DNAH7: variants seen among roughly 807,000 people sequenced by gnomAD.
DNAH7 encodes the protein axonemal beta dynein heavy chain 7.
A neutral mutation model predicts 444.6 loss-of-function variants in DNAH7; 397 were observed. The ratio of observed to expected loss-of-function variants is 0.89; its 90% CI spans 0.82 to 0.97. The LOEUF is 0.97. Among genes scored for constraint, DNAH7 ranks in the 50% least tolerant of loss-of-function variants. The probability of loss-of-function intolerance (pLI) is 0.00; values close to 1 mark genes in which losing one functional copy is unlikely to be tolerated. For synonymous variants in DNAH7, 1,636 were observed against 1,624.4 expected (o/e 1.01, Z -0.17); for missense variants, 4,902 against 4,800.8 (o/e 1.02, Z -0.62).
chr2:195,771,629 TGG>T, intron 61 of DNAH7, 29 bp downstream of exon 61: 1 of 1,486,452 alleles, frequency 6.7e-7, no homozygotes. Flanking sequence ...TATAATTTAA[TGG>T]GGGTTTTTTT....
intron 21 of DNAH7, among the ~76,000 whole-genome samples, chr2:195,932,604 A>G (rs2125398118): frequency 6.6e-6 from 1 of 152,146 alleles, no homozygotes; most frequent in African/African-American, 2.4e-5. Flanking sequence ...TCAATACCTA[A>G]TTTATTGAGA....
At chr2:195,888,731 T>C in intron 32 of DNAH7, 68 bp downstream of exon 32, 2 of 1,478,166 alleles carry the variant, frequency 1.4e-6, no homozygotes, top group Non-Finnish European at 1.8e-6. Context: ...AAGTCAAAGG[T>C]ACTAAGCAAA....
chr2:195,859,069 G>T (rs1699879255), intron 42 of DNAH7, among the ~76,000 whole-genome samples: 3 of 152,128 alleles, frequency 2.0e-5, no homozygotes, highest in Admixed American at 1.3e-4. Context: ...AAATTCAAAA[G>T]AATAAATACA....
At chr2:195,799,233 CA>C in intron 55 of DNAH7, 62 bp downstream of exon 55, 1 of 1,323,778 alleles carries the variant, frequency 7.6e-7, no homozygotes, top group African/African-American at 1.5e-5. Context: ...CTTAAAATTT[CA>C]ATTATAAGCA....
At chr2:195,947,824 G>A (rs1689924546) in intron 19 of DNAH7, among the ~76,000 whole-genome samples, 1 of 152,074 alleles carries the variant, frequency 6.6e-6, no homozygotes, top group Non-Finnish European at 1.5e-5. Context: ...TGGGATTGCT[G>A]GGTCAAATGG....
chr2:195,857,583 C>T lies in DNAH7; in HGVS notation c.8208G>A (p.Trp2736Ter). ...TGSGKKIEDF[W>*]GPAKRLLGDM... ...CACCAAGAAGTCTCTTAGCTGGGCC[C>T]CAGAAATCCTCAATTTTTTTCCCTG... Residue 2736 changes from tryptophan (W) to a stop codon, truncating the protein, a stop_gained, in exon 44 of 65, where the codon TGG becomes TGA. Transcript: ENST00000312428. LOFTEE classifies it high-confidence loss of function. 1 of 1,613,920 alleles carries T rather than the reference C, an allele frequency of 6.2e-7. No individual in the cohort carries two copies. The highest frequency in any genetic ancestry group is 8.5e-7 in the Non-Finnish European group (1 of 1,179,920).
chr2:195,890,606 C>A (rs1410029544), intron 31 of DNAH7, among the ~76,000 whole-genome samples: 1 of 152,054 alleles, frequency 6.6e-6, no homozygotes, highest in African/African-American at 2.4e-5. Flanking sequence ...CAAGATAGGA[C>A]CTAAGAAGCC....
intron 48 of DNAH7, among the ~76,000 whole-genome samples, chr2:195,827,142 T>C (rs2124927432): frequency 6.6e-6 from 1 of 152,336 alleles, no homozygotes; most frequent in South Asian, 2.1e-4. Flanking sequence ...GGGGTGCTGA[T>C]ACTAAAGAGA....
At chr2:196,009,705 T>G (rs954924685) in intron 10 of DNAH7, among the ~76,000 whole-genome samples, 5 of 152,048 alleles carry the variant, frequency 3.3e-5, no homozygotes, top group African/African-American at 1.2e-4. Flanking sequence ...CAAAGGAAAC[T>G]AGACAAAGTA....
intron 59 of DNAH7, 37 bp downstream of exon 59, chr2:195,777,763 T>C: frequency 1.5e-5 from 23 of 1,564,232 alleles, no homozygotes; most frequent in Non-Finnish European, 2.0e-5. Flanking sequence ...TAATTTCATG[T>C]CTTACTGCTT....
At chr2:195,779,679 G>A (rs1695280668) in intron 58 of DNAH7, among the ~76,000 whole-genome samples, 1 of 151,934 alleles carries the variant, frequency 6.6e-6, no homozygotes, top group Non-Finnish European at 1.5e-5. Context: ...TGTGATAAGG[G>A]CTCACTGTCT....
intron 5 of DNAH7, among the ~76,000 whole-genome samples, chr2:196,037,041 G>C (rs577228525): frequency 6.6e-6 from 1 of 152,118 alleles, no homozygotes; most frequent in South Asian, 2.1e-4. Context: ...GGGACCTAAG[G>C]ACTAGCCTAC....
At chr2:195,973,890 C>T (rs1469847271) in intron 15 of DNAH7, among the ~76,000 whole-genome samples, 1 of 152,010 alleles carries the variant, frequency 6.6e-6, no homozygotes, top group East Asian at 1.9e-4. Context: ...GAGTTCAAAA[C>T]ATGGTGAAAC....
intron 38 of DNAH7, 145 bp from the exon 39 acceptor site, chr2:195,873,839 C>T (rs1700865304): frequency 7.7e-6 from 4 of 516,196 alleles, no homozygotes; most frequent in Non-Finnish European, 1.2e-5. Context: ...TTGGATAACC[C>T]TGACATCAAA....
At chr2:196,068,421 C>G in intron 1 of DNAH7, 1 of 510,454 alleles carries the variant, frequency 2.0e-6, no homozygotes, top group Non-Finnish European at 3.5e-6. Flanking sequence ...CATTAGCACT[C>G]TGGGGGTGCT....
At chr2:196,021,314 G>C (rs1401731) in intron 8 of DNAH7, among the ~76,000 whole-genome samples, 5,147 of 152,090 alleles carry the variant, frequency 0.034, 290 homozygotes, top group African/African-American at 0.12. Flanking sequence ...GTAACGTTAG[G>C]CTTAAATACA....
In DNAH7 at chr2:195,754,438, G is replaced by C; in HGVS notation, c.11663C>G (p.Ala3888Gly). The C allele has an allele frequency of 6.2e-7, 1 of 1,614,104 alleles. No individual in the cohort carries two copies. Among genetic ancestry groups the C allele is most frequent in the Non-Finnish European group, 8.5e-7 (1 of 1,179,984 alleles). ...GTATTTCCTGGCGTAGTTCTGCTGGGCACCGGTCAGGAAGGCTTGTGTGAA... is the reference window on the plus strand; with the variant it reads ...GTATTTCCTGGCGTAGTTCTGCTGGCCACCGGTCAGGAAGGCTTGTGTGAA... ...FFFTQAFLTG[A>G]QQNYARKYTI... is the part of the protein sequence containing the mutation. Residue 3888 changes from alanine to glycine, a missense_variant, in exon 63 of 65, where the codon GCC (alanine) becomes GGC (glycine). Ala to Gly is a moderately conservative substitution (Grantham distance 60). Transcript: ENST00000312428.
intron 57 of DNAH7, among the ~76,000 whole-genome samples, chr2:195,789,506 G>A (rs546489606): frequency 1.3e-5 from 2 of 152,258 alleles, no homozygotes; most frequent in South Asian, 4.1e-4. Context: ...TCTGGGTTGG[G>A]GCTGGATTTT....
At chr2:195,776,042 T>C (rs1009879865) in intron 59 of DNAH7, 59 bp from the exon 60 acceptor site, 1 of 1,591,562 alleles carries the variant, frequency 6.3e-7, no homozygotes, top group Non-Finnish European at 8.5e-7. Flanking sequence ...TCTAGAACTT[T>C]TCACAGAAAA....
Sources: gnomAD v4.1 joint callset for allele counts (sites outside exome capture counted in the v4.1 genomes callset) on GRCh38, gnomAD v4.1.1 for gene constraint, MANE v1.5 for transcripts, NCBI Gene and HGNC (gene_info 2026-07-23, HGNC 2026-07-21) for gene names.